MYT1L: variants seen among roughly 807,000 people sequenced by gnomAD.
The protein encoded by MYT1L is myelin transcription factor 1-like protein.
Under a neutral mutation model 126.7 loss-of-function variants are expected in MYT1L, and 12 were observed. The observed-to-expected ratio is 0.09, with a 90% CI of 0.06 to 0.15. The LOEUF (loss-of-function observed/expected upper bound fraction) is 0.15. Ranked by LOEUF, MYT1L falls within the 10% of genes least tolerant of loss-of-function variation. The pLI, the probability that MYT1L is intolerant of heterozygous loss-of-function variation, is 1.00. For synonymous variants in MYT1L, 541 were observed against 604.2 expected (o/e 0.90, Z 1.53); for missense variants, 979 against 1,585.2 (o/e 0.62, Z 6.49).
intron 18 of MYT1L, among the ~76,000 whole-genome samples, chr2:1,879,052 T>A (rs11680464): frequency 0.05 from 7,626 of 152,212 alleles, 252 homozygotes; most frequent in Non-Finnish European, 0.059. Flanking sequence ...ACAGATCACA[T>A]GTAAGAGAGA....
chr2:2,037,785 C>G (rs1398664366), intron 4 of MYT1L, among the ~76,000 whole-genome samples: 1 of 148,446 alleles, frequency 6.7e-6, no homozygotes, highest in African/African-American at 2.5e-5. Flanking sequence ...AACAAAACCC[C>G]CCCAAAAAAA....
At chr2:2,116,111 T>C (rs1432851074) in intron 3 of MYT1L, among the ~76,000 whole-genome samples, 2 of 152,236 alleles carry the variant, frequency 1.3e-5, no homozygotes, top group African/African-American at 4.8e-5. Flanking sequence ...CGATGTTCAA[T>C]GAACACGTTC....
chr2:2,250,002 A>G lies in MYT1L; in HGVS notation c.-421+34402T>C, dbSNP rs542060823. Among the ~76,000 whole-genome samples, 4 of 152,324 alleles carry G rather than the reference A, an allele frequency of 2.6e-5. No homozygotes were observed. In the South Asian group the frequency reaches 8.3e-4, roughly 32 times the overall value. On this transcript the variant is annotated intron_variant, in intron 2 of 24. Transcript: ENST00000647738. ...TCTCACCCCAGTTACAACGGCTTCT[A>G]TCCAAAAGACAGGCAATAACAAATG...
Position 1,979,832 on chromosome 2 carries a change from C to A in MYT1L, c.1-55G>T. The A allele has an allele frequency of 6.3e-7, 1 of 1,591,580 alleles. No homozygotes were observed. ...CTTATCCTGCCTGTGCAGGCCAGCC[C>A]TGCAGGGGCGGCTCACTCTCCCTGG... On this transcript the variant is annotated intron_variant, in intron 5 of 24. Transcript: ENST00000647738. This position sits in a 1 kb window ranked among gnomAD's most constrained non-coding sequence, Gnocchi z 4.0.
At chr2:2,242,264 C>T (rs1022420948) in intron 2 of MYT1L, among the ~76,000 whole-genome samples, 4 of 152,144 alleles carry the variant, frequency 2.6e-5, no homozygotes, top group Admixed American at 6.5e-5. Flanking sequence ...TGCAAAGGAG[C>T]GCAGGCCCAG....
Position 1,910,156 on chromosome 2 carries a change from T to A in MYT1L, c.1817+84A>T, listed in dbSNP as rs1031265708. ...CCCTGCCCCTGCTGCTGTAGGGACA[T>A]GCCCTGAGCGGGTGTCCCCAGCGCT... On this transcript the variant is annotated intron_variant, in intron 13 of 24. Coordinates refer to ENST00000647738, the MANE Select transcript of MYT1L (RefSeq NM_001303052.2). The surrounding 1 kb of genome is among the most constrained non-coding windows in gnomAD (Gnocchi z 4.8). 4.0e-6 allele frequency: 5 copies of A among 1,244,588 alleles called. No homozygotes were observed. Among genetic ancestry groups the A allele is most frequent in the Non-Finnish European group, 5.7e-6 (5 of 871,922 alleles). The allele number at this position is 1,244,588 out of a possible 1,614,324, so 77.1% of individuals were successfully genotyped here.
At chr2:2,156,897 T>A (rs967561563) in intron 3 of MYT1L, among the ~76,000 whole-genome samples, 15 of 152,220 alleles carry the variant, frequency 9.9e-5, no homozygotes, top group Non-Finnish European at 1.8e-4. Flanking sequence ...AAAATATACA[T>A]GTTTTAATGG....
chr2:1,856,254 C>A (rs891321601), intron 18 of MYT1L, among the ~76,000 whole-genome samples: 1 of 152,234 alleles, frequency 6.6e-6, no homozygotes, highest in Non-Finnish European at 1.5e-5. Flanking sequence ...TGGACTTGAC[C>A]CCTTGTCCCC....
chr2:1,893,795 T>C (rs1467422515), intron 14 of MYT1L, among the ~76,000 whole-genome samples: 1 of 152,180 alleles, frequency 6.6e-6, no homozygotes, highest in Non-Finnish European at 1.5e-5. Flanking sequence ...GCCCTGGATT[T>C]GGATACAAAG....
At chr2:1,888,114 C>CT (rs1326726219) in intron 16 of MYT1L, among the ~76,000 whole-genome samples, 1 of 152,166 alleles carries the variant, frequency 6.6e-6, no homozygotes, top group African/African-American at 2.4e-5. Flanking sequence ...TTCCTTTTCC[C>CT]TTGTGTGTTC....
At chr2:2,039,467 A>T (rs576843898) in intron 4 of MYT1L, among the ~76,000 whole-genome samples, 2 of 152,334 alleles carry the variant, frequency 1.3e-5, no homozygotes, top group East Asian at 3.9e-4. Context: ...TCAGTTCAAT[A>T]AATTAGTAAA....
At position 1,968,873 on chromosome 2, in the gene MYT1L, C is replaced by T. The variant is rs943956326; in HGVS notation, c.152+10292G>A. 2.3e-4 allele frequency among the ~76,000 whole-genome samples: 35 copies of T among 152,000 alleles called. No individual in the cohort carries two copies. In the East Asian group the frequency reaches 5.7e-3, roughly 25 times the overall value. ...TATGTGGATGGCAGGTGGGCGGGGG[C>T]GGCTCTGAGTGACCCAGAGCCTCTG... On this transcript the variant is annotated intron_variant, in intron 8 of 24. Transcript: ENST00000647738.
intron 8 of MYT1L, among the ~76,000 whole-genome samples, chr2:1,976,228 T>A (rs2060173152): frequency 6.6e-6 from 1 of 152,006 alleles, no homozygotes; most frequent in Non-Finnish European, 1.5e-5. Flanking sequence ...ATCAGGAACC[T>A]GACAGCAAAT....
In MYT1L at chr2:1,793,842, T is replaced by G. The variant is rs1302898734; in HGVS notation, c.3277-1378A>C. 6.6e-6 allele frequency among the ~76,000 whole-genome samples: 1 copy of G among 152,166 alleles called. No individual in the cohort carries two copies. Among genetic ancestry groups the G allele is most frequent in the Non-Finnish European group, 1.5e-5 (1 of 68,020 alleles). On this transcript the variant is annotated intron_variant, in intron 23 of 24. Transcript: ENST00000647738. This position sits in a 1 kb window ranked among gnomAD's most constrained non-coding sequence, Gnocchi z 4.6. ...TAATGTTCCCCTCCCAGCCGCCCCC[T>G]TGCAGGCTCAGGAGTGGATGCCTGC...
intron 4 of MYT1L, among the ~76,000 whole-genome samples, chr2:2,012,182 T>C (rs190202743): frequency 4.7e-4 from 72 of 152,364 alleles, no homozygotes; most frequent in African/African-American, 1.6e-3. Flanking sequence ...TAAATTTCCA[T>C]CTACTGATGA....
intron 2 of MYT1L, among the ~76,000 whole-genome samples, chr2:2,186,385 T>C (rs1225484772): frequency 6.6e-6 from 1 of 152,246 alleles, no homozygotes; most frequent in Non-Finnish European, 1.5e-5. Context: ...TGGTTAACTG[T>C]AGTCCCGCAC....
At chr2:2,305,857 A>T (rs2095850718) in intron 1 of MYT1L, 2 of 152,152 alleles carry the variant, frequency 1.3e-5, no homozygotes, top group Admixed American at 6.5e-5. Flanking sequence ...CCCATGATCC[A>T]ATCACCTCCC....
intron 1 of MYT1L, among the ~76,000 whole-genome samples, chr2:2,309,249 C>T (rs935196303): frequency 6.6e-5 from 10 of 150,848 alleles, no homozygotes; most frequent in Non-Finnish European, 1.3e-4. Flanking sequence ...CTAAACTTTA[C>T]TGTTCTCTAT....
intron 9 of MYT1L, among the ~76,000 whole-genome samples, chr2:1,927,718 G>A (rs536248610): frequency 4.6e-5 from 7 of 152,266 alleles, no homozygotes; most frequent in East Asian, 1.9e-4. Context: ...TCCCCGGGTC[G>A]GAGGAGACCT....
Sources: allele counts gnomAD v4.1 joint callset (sites outside exome capture counted in the v4.1 genomes callset), GRCh38; gene constraint gnomAD v4.1.1; non-coding constraint Gnocchi (gnomAD v3.1); transcripts MANE v1.5; gene names NCBI Gene and HGNC (gene_info 2026-07-23, HGNC 2026-07-21).